The following NLGN4Y variants were observed in gnomAD, a reference collection of about 807,000 sequenced individuals.
The protein encoded by NLGN4Y is neuroligin 4 Y-linked, also known as neuroligin-4, Y-linked.
A neutral mutation model predicts 8.4 loss-of-function variants in NLGN4Y; 4 were observed. That is an observed-to-expected ratio of 0.48 (90% CI 0.23 to 1.09). The LOEUF (loss-of-function observed/expected upper bound fraction) is 1.09, where lower values mean the gene tolerates loss of function less well. Among genes scored for constraint, NLGN4Y ranks in the 50% least tolerant of loss-of-function variants. The probability of loss-of-function intolerance (pLI) is 0.19; values close to 1 mark genes in which losing one functional copy is unlikely to be tolerated. For missense variants in NLGN4Y, 90 were observed against 192.3 expected (o/e 0.47, Z 3.15); for synonymous variants, 35 against 75.6 (o/e 0.46, Z 2.78).
intron 2 of NLGN4Y, among the ~76,000 whole-genome samples, chrY:14,654,181 A>G: frequency 3.0e-5 from 1 of 33,501 alleles, no homozygotes; most frequent in Non-Finnish European, 7.4e-5. Flanking sequence ...AAGTTATATG[A>G]AAGTGTCAGT....
At chrY:14,608,531 C>G in intron 1 of NLGN4Y, among the ~76,000 whole-genome samples, 2 of 32,291 alleles carry the variant, frequency 6.2e-5, no homozygotes, top group Non-Finnish European at 1.5e-4. Context: ...GGTGTTATTT[C>G]TGAGGCCTCT....
intron 4 of NLGN4Y, among the ~76,000 whole-genome samples, chrY:14,779,063 C>T (rs2081137818): frequency 3.1e-5 from 1 of 32,172 alleles, no homozygotes; most frequent in Non-Finnish European, 7.5e-5. Context: ...CCCATGACAC[C>T]ATGCCCAGCT....
intron 1 of NLGN4Y, among the ~76,000 whole-genome samples, chrY:14,546,306 C>CT (rs2150467786): frequency 3.0e-5 from 1 of 33,246 alleles, no homozygotes; most frequent in East Asian, 7.8e-4. Context: ...TTTTCCAACT[C>CT]TGTGAAGAAA....
intron 4 of NLGN4Y, among the ~76,000 whole-genome samples, chrY:14,756,245 G>T: frequency 3.0e-5 from 1 of 33,071 alleles, no homozygotes. Flanking sequence ...AAATCTATTG[G>T]TGATTTAAAA....
intron 2 of NLGN4Y, among the ~76,000 whole-genome samples, chrY:14,672,245 C>A (rs2080713349): frequency 6.1e-5 from 2 of 32,753 alleles, no homozygotes; most frequent in Admixed American, 5.5e-4. Flanking sequence ...ACATTTTATG[C>A]TGGGCGCGGT....
At chrY:14,624,541 G>A (rs1051093766) in intron 2 of NLGN4Y, among the ~76,000 whole-genome samples, 1 of 33,409 alleles carries the variant, frequency 3.0e-5, no homozygotes. Context: ...AGCAATATGC[G>A]CATACGATCT....
At chrY:14,741,094 G>T (rs988795893) in intron 4 of NLGN4Y, among the ~76,000 whole-genome samples, 2 of 32,938 alleles carry the variant, frequency 6.1e-5, no homozygotes, top group Non-Finnish European at 1.5e-4. Context: ...TATGTTTAAA[G>T]GTTCTAACAG....
intron 4 of NLGN4Y, among the ~76,000 whole-genome samples, chrY:14,762,437 T>C (rs1031409705): frequency 5.9e-5 from 2 of 34,137 alleles, no homozygotes; most frequent in African/African-American, 2.3e-4. Flanking sequence ...GGCAGTGCAG[T>C]TGACTGCATT....
intron 2 of NLGN4Y, among the ~76,000 whole-genome samples, chrY:14,687,006 G>A: frequency 6.2e-5 from 2 of 32,293 alleles, no homozygotes; most frequent in African/African-American, 1.2e-4. Context: ...ATGTTCCCAA[G>A]GCTGGTCTGG....
intron 2 of NLGN4Y, among the ~76,000 whole-genome samples, chrY:14,624,337 T>C (rs2080520929): frequency 3.0e-5 from 1 of 32,893 alleles, no homozygotes; most frequent in Non-Finnish European, 7.5e-5. Flanking sequence ...AAAAAATCAA[T>C]AGCTTCCATG....
intron 4 of NLGN4Y, among the ~76,000 whole-genome samples, chrY:14,815,277 C>A (rs893508829): frequency 1.4e-3 from 46 of 32,985 alleles, no homozygotes; most frequent in African/African-American, 5.3e-3. Context: ...GGAGAAAAAA[C>A]CGTTTTGTAT....
intron 2 of NLGN4Y, among the ~76,000 whole-genome samples, chrY:14,676,749 A>G: frequency 3.0e-5 from 1 of 33,784 alleles, no homozygotes; most frequent in East Asian, 7.9e-4. Context: ...TTCAAACACA[A>G]CACATTCAAA....
chrY:14,689,829 G>A, intron 2 of NLGN4Y, among the ~76,000 whole-genome samples: 1 of 33,231 alleles, frequency 3.0e-5, no homozygotes, highest in African/African-American at 1.2e-4. Flanking sequence ...CCTACTGGAG[G>A]TTTGTGGTCC....
intron 1 of NLGN4Y, among the ~76,000 whole-genome samples, chrY:14,573,513 G>A (rs1603500110): frequency 6.1e-5 from 2 of 32,803 alleles, no homozygotes; most frequent in Admixed American, 5.6e-4. Context: ...CTTGCTAACG[G>A]TCTGTCAGTT....
chrY:14,667,694 G>T (rs2080697333), intron 2 of NLGN4Y, among the ~76,000 whole-genome samples: 1 of 33,738 alleles, frequency 3.0e-5, no homozygotes, highest in African/African-American at 1.2e-4. Context: ...ATGTATAATC[G>T]CAGACTGTGA....
chrY:14,737,871 T>C, intron 4 of NLGN4Y, among the ~76,000 whole-genome samples: 1 of 32,430 alleles, frequency 3.1e-5, no homozygotes, highest in South Asian at 6.6e-4. Context: ...AAAAAAATAA[T>C]AAAAATAAAA....
At chrY:14,760,028 A>G in intron 4 of NLGN4Y, among the ~76,000 whole-genome samples, 1 of 33,443 alleles carries the variant, frequency 3.0e-5, no homozygotes, top group Non-Finnish European at 7.4e-5. Context: ...CACGATGTAT[A>G]TAATTCACCT....
At chrY:14,575,505 G>C (rs2150483259) in intron 1 of NLGN4Y, among the ~76,000 whole-genome samples, 1 of 32,423 alleles carries the variant, frequency 3.1e-5, no homozygotes, top group African/African-American at 1.2e-4. Context: ...TTTTTTCAAG[G>C]TTTTTAACTT....
chrY:14,732,536 C>T, intron 4 of NLGN4Y, among the ~76,000 whole-genome samples: 1 of 34,137 alleles, frequency 2.9e-5, no homozygotes, highest in Non-Finnish European at 7.3e-5. Flanking sequence ...AAGAGAATCC[C>T]CGGGATCTGC....
Sources: gnomAD v4.1 joint callset for allele counts (sites outside exome capture counted in the v4.1 genomes callset) on GRCh38, gnomAD v4.1.1 for gene constraint, MANE v1.5 for transcripts, NCBI Gene and HGNC (gene_info 2026-07-23, HGNC 2026-07-21) for gene names.